Variants in TNNI3K observed in about 807,000 individuals in gnomAD.
The protein encoded by TNNI3K is serine/threonine-protein kinase TNNI3K.
In TNNI3K, 140 loss-of-function variants were observed where a neutral mutation model predicts 114.5. The observed-to-expected ratio is 1.22, with a 90% CI of 1.07 to 1.41. The LOEUF is 1.41. TNNI3K is among the 40% of genes most tolerant of loss of function. TNNI3K has a pLI of 0.00. For missense variants in TNNI3K, 1,125 were observed against 1,007.6 expected (o/e 1.12, Z -1.58); for synonymous variants, 347 against 347.5 (o/e 1.00, Z 0.02).
chr1:74,317,264 G>A (rs967741139), intron 5 of TNNI3K, among the ~76,000 whole-genome samples: 2 of 152,194 alleles, frequency 1.3e-5, no homozygotes, highest in Non-Finnish European at 2.9e-5. Flanking sequence ...CTTACAACCT[G>A]AGAATCTGAG....
chr1:74,463,366 G>T (rs1557581662), intron 20 of TNNI3K, 75 bp from the exon 21 acceptor site: 4 of 1,403,050 alleles, frequency 2.9e-6, no homozygotes, highest in Non-Finnish European at 3.0e-6. Flanking sequence ...ATGCCTTTTT[G>T]TGTGTGTGTG....
intron 23 of TNNI3K, among the ~76,000 whole-genome samples, chr1:74,513,545 CT>C (rs572930637): frequency 1.3e-5 from 2 of 152,258 alleles, no homozygotes; most frequent in East Asian, 3.9e-4. Flanking sequence ...CTTTGTCTTC[CT>C]TTTTTTCTCT....
At chr1:74,446,113 A>T (rs61558170) in intron 20 of TNNI3K, among the ~76,000 whole-genome samples, 4,554 of 152,062 alleles carry the variant, frequency 0.03, 219 homozygotes, top group African/African-American at 0.1. Flanking sequence ...AGGAATCGCC[A>T]CACTGACTTC....
intron 23 of TNNI3K, among the ~76,000 whole-genome samples, chr1:74,508,578 G>A (rs1487441070): frequency 6.6e-6 from 1 of 152,152 alleles, no homozygotes; most frequent in Non-Finnish European, 1.5e-5. Flanking sequence ...CAGGCCAGGA[G>A]GCAGACTGCA....
intron 23 of TNNI3K, among the ~76,000 whole-genome samples, chr1:74,509,473 A>C (rs1168819316): frequency 6.6e-6 from 1 of 152,254 alleles, no homozygotes; most frequent in Non-Finnish European, 1.5e-5. Flanking sequence ...TTGGTTTTAC[A>C]CAAATGAATG....
intron 23 of TNNI3K, among the ~76,000 whole-genome samples, chr1:74,494,636 C>T (rs185103754): frequency 1.0e-3 from 158 of 152,290 alleles, no homozygotes; most frequent in African/African-American, 3.6e-3. Context: ...GCACAGTCAC[C>T]TGAGGTTTGT....
At chr1:74,451,308 A>G (rs1485134878) in intron 20 of TNNI3K, among the ~76,000 whole-genome samples, 1 of 152,144 alleles carries the variant, frequency 6.6e-6, no homozygotes, top group Non-Finnish European at 1.5e-5. Flanking sequence ...CTTAATACCT[A>G]GGTGACAGGT....
chr1:74,446,519 T>G (rs941937257), intron 20 of TNNI3K, among the ~76,000 whole-genome samples: 9 of 148,384 alleles, frequency 6.1e-5, no homozygotes, highest in African/African-American at 2.3e-4. Context: ...TAGTTTCTTT[T>G]GCTGTGCAGA....
intron 5 of TNNI3K, among the ~76,000 whole-genome samples, chr1:74,304,579 A>T (rs1658513368): frequency 6.6e-6 from 1 of 152,092 alleles, no homozygotes; most frequent in Non-Finnish European, 1.5e-5. Context: ...AGTAGCTAGG[A>T]CTATGGGTTT....
intron 4 of TNNI3K, among the ~76,000 whole-genome samples, chr1:74,256,264 G>C (rs147576096): frequency 7.9e-6 from 1 of 126,534 alleles, no homozygotes; most frequent in African/African-American, 2.9e-5. Flanking sequence ...CATCCTTTCC[G>C]GCACTTGGTG....
In TNNI3K at chr1:74,492,105, T is replaced by A. The variant is rs2100304421; in HGVS notation, c.2190T>A (p.Ser730=). The A allele has an allele frequency of 6.2e-7, 1 of 1,604,942 alleles. No homozygotes were observed. Among genetic ancestry groups the A allele is most frequent in the African/African-American group, 1.3e-5 (1 of 74,950 alleles). Reference sequence around the variant, plus strand: ...GCCCCTCCTCCACTCAGCTGATGTCTCCTGCATCAAGTAACAGCAGTGGGT... The same window carrying A: ...GCCCCTCCTCCACTCAGCTGATGTCACCTGCATCAAGTAACAGCAGTGGGT... ...EECLCNIELM[S]PASSNSSGSL... Residue 730 remains serine, a synonymous_variant, in exon 23 of 25, where the codon TCT becomes TCA. Transcript: ENST00000326637.
chr1:74,401,945 G>A (rs370380352), intron 17 of TNNI3K: 1 of 437,518 alleles, frequency 2.3e-6, no homozygotes, highest in Non-Finnish European at 4.6e-6. Context: ...GCTTACTTCT[G>A]CCATCCTAAA....
At chr1:74,236,349 ATC>A in intron 2 of TNNI3K, 139 bp downstream of exon 2, 1 of 632,792 alleles carries the variant, frequency 1.6e-6, no homozygotes, top group South Asian at 2.2e-5. Context: ...ATGTCAGATT[ATC>A]TCTCTTTGAC....
At chr1:74,465,679 G>A (rs112808632) in intron 21 of TNNI3K, among the ~76,000 whole-genome samples, 2,092 of 152,212 alleles carry the variant, frequency 0.014, 39 homozygotes, top group African/African-American at 0.048. Flanking sequence ...CTCTGCCCAC[G>A]GCCCTGGCCA....
intron 20 of TNNI3K, among the ~76,000 whole-genome samples, chr1:74,448,851 T>C (rs1409326900): frequency 1.3e-5 from 1 of 78,404 alleles, no homozygotes; most frequent in Non-Finnish European, 2.5e-5. Flanking sequence ...GATGTGCTGC[T>C]GGATTTGGTT....
At position 74,463,483 on chromosome 1, in the gene TNNI3K, C is replaced by T; in HGVS notation, c.2054C>T (p.Pro685Leu). 6.2e-7 allele frequency: 1 copy of T among 1,614,198 alleles called. No individual in the cohort carries two copies. The highest frequency in any genetic ancestry group is 8.5e-7 in the Non-Finnish European group (1 of 1,180,028). Residue 685 changes from proline to leucine, a missense_variant, in exon 21 of 25, where the codon CCC (proline) becomes CTC (leucine). Physicochemically the swap from Pro to Leu is moderately conservative, Grantham distance 98 (BLOSUM62 -3). Coordinates refer to ENST00000326637, the MANE Select transcript of TNNI3K (RefSeq NM_015978.3). ...ADMAYHHIRP[P>L]IGYSIPKPIS... is the part of the protein sequence containing the mutation. The stretch of plus-strand genomic sequence containing the variant: ...ATGGCTTACCACCACATCAGACCTC[C>T]CATTGGCTATTCCATTCCCAAGCCC...
intron 17 of TNNI3K, chr1:74,370,670 G>C: frequency 4.1e-6 from 1 of 241,734 alleles, no homozygotes; most frequent in Non-Finnish European, 7.9e-6. Context: ...TCCCAGGTCA[G>C]TAAGGTCACA....
chr1:74,506,671 C>T (rs192236261), intron 23 of TNNI3K, among the ~76,000 whole-genome samples: 27 of 152,274 alleles, frequency 1.8e-4, no homozygotes, highest in Admixed American at 1.3e-3. Context: ...CCGGACCTGC[C>T]GAATCTGCAT....
chr1:74,434,059 G>A (rs1000220646), intron 17 of TNNI3K, among the ~76,000 whole-genome samples: 20 of 151,526 alleles, frequency 1.3e-4, no homozygotes, highest in African/African-American at 3.2e-4. Context: ...CTCTACCTTC[G>A]CACTTTAGTC....
Sources: gnomAD v4.1 joint callset for allele counts (sites outside exome capture counted in the v4.1 genomes callset) on GRCh38, gnomAD v4.1.1 for gene constraint, MANE v1.5 for transcripts, NCBI Gene and HGNC (gene_info 2026-07-23, HGNC 2026-07-21) for gene names.